The following EYA3 variants were observed in gnomAD, a reference collection of about 807,000 sequenced individuals.
The protein encoded by EYA3 is protein phosphatase EYA3.
A neutral mutation model predicts 80.0 loss-of-function variants in EYA3; 39 were observed. The observed-to-expected ratio is 0.49, with a 90% CI of 0.38 to 0.64. EYA3 has a LOEUF of 0.64. EYA3 is among the 30% of genes least tolerant of loss of function. The pLI, the probability that EYA3 is intolerant of heterozygous loss-of-function variation, is 0.00. For synonymous variants in EYA3, 206 were observed against 232.8 expected (o/e 0.88, Z 1.05); for missense variants, 523 against 676.1 (o/e 0.77, Z 2.51).
At chr1:27,974,952 T>C (rs921665966) in intron 17 of EYA3, among the ~76,000 whole-genome samples, 1 of 152,162 alleles carries the variant, frequency 6.6e-6, no homozygotes, top group East Asian at 1.9e-4. Context: ...CCAGTTATCA[T>C]ACAGGGTCTT....
intron 10 of EYA3, among the ~76,000 whole-genome samples, chr1:28,006,804 T>C (rs1369588238): frequency 1.3e-5 from 2 of 152,152 alleles, no homozygotes; most frequent in Non-Finnish European, 2.9e-5. Flanking sequence ...GAGACAAGGA[T>C]GTCTGTTTTT....
chr1:28,001,621 C>T (rs973772077), intron 11 of EYA3, among the ~76,000 whole-genome samples: 79 of 150,126 alleles, frequency 5.3e-4, no homozygotes, highest in Non-Finnish European at 1.1e-3. Context: ...CACCTGTAGT[C>T]CCAGCCACTC....
At chr1:28,050,714 C>T (rs1283518355) in intron 2 of EYA3, among the ~76,000 whole-genome samples, 1 of 151,974 alleles carries the variant, frequency 6.6e-6, no homozygotes, top group Non-Finnish European at 1.5e-5. Context: ...TCATATGGCC[C>T]ATTGTTTGTC....
At chr1:28,036,809 T>G (rs543743903) in intron 5 of EYA3, among the ~76,000 whole-genome samples, 139 of 152,318 alleles carry the variant, frequency 9.1e-4, no homozygotes, top group African/African-American at 3.2e-3. Context: ...TTGTACCATG[T>G]AAGCATAATA....
chr1:28,027,688 C>A, intron 7 of EYA3, 101 bp downstream of exon 7: 1 of 1,450,408 alleles, frequency 6.9e-7, no homozygotes, highest in South Asian at 1.2e-5. Context: ...GAAGACAGAG[C>A]TCCTGTATTA....
At chr1:27,992,681 A>G (rs1480699635) in intron 14 of EYA3, among the ~76,000 whole-genome samples, 1 of 152,238 alleles carries the variant, frequency 6.6e-6, no homozygotes, top group Non-Finnish European at 1.5e-5. Flanking sequence ...AAGGAGCTGC[A>G]TGAAAGTGCA....
In EYA3 at chr1:27,984,956, T is replaced by A. The variant is rs755793100; in HGVS notation, c.1540+3579A>T. Among the ~76,000 whole-genome samples the A allele has an allele frequency of 2.6e-5, 4 of 152,332 alleles. No homozygotes were observed. In the Middle Eastern group the frequency reaches 0.01, roughly 389 times the overall value. ...TAAAAATATTGTTAGACCAGTTCTATAAAATTTCAATTCTCTCTTAAACTA... is the reference window on the plus strand; with the variant it reads ...TAAAAATATTGTTAGACCAGTTCTAAAAAATTTCAATTCTCTCTTAAACTA... On this transcript the variant is annotated intron_variant, in intron 16 of 17. Transcript: ENST00000373871.
At chr1:28,076,493 T>C (rs536228) in intron 1 of EYA3, among the ~76,000 whole-genome samples, 1 of 151,758 alleles carries the variant, frequency 6.6e-6, no homozygotes, top group East Asian at 1.9e-4. Context: ...GGTGGATTAC[T>C]TGAGGTCAGG....
chr1:28,073,127 A>ATTTTT (rs1180868021), intron 1 of EYA3, among the ~76,000 whole-genome samples: 29 of 14,986 alleles, frequency 1.9e-3, no homozygotes, highest in South Asian at 4.0e-3. Flanking sequence ...ATATATATAT[A>ATTTTT]TTTTTTTTTT....
intron 16 of EYA3, 188 bp downstream of exon 16, chr1:27,988,347 G>A: frequency 1.8e-6 from 1 of 553,632 alleles, no homozygotes; most frequent in East Asian, 3.1e-5. Flanking sequence ...TACTAGCTGT[G>A]AGAACCTGAG....
chr1:28,045,017 C>T (rs1441718454), intron 3 of EYA3, among the ~76,000 whole-genome samples: 1 of 152,158 alleles, frequency 6.6e-6, no homozygotes, highest in Non-Finnish European at 1.5e-5. Context: ...AGCAATCCGT[C>T]CACCTCAGCA....
At chr1:28,042,737 G>T in intron 3 of EYA3, 87 bp from the exon 4 acceptor site, 3 of 1,019,574 alleles carry the variant, frequency 2.9e-6, no homozygotes, top group African/African-American at 1.6e-5. Context: ...TTCCTCCTAG[G>T]CTATATAAGT....
At chr1:28,000,332 A>G (rs943043363) in intron 11 of EYA3, among the ~76,000 whole-genome samples, 1 of 151,206 alleles carries the variant, frequency 6.6e-6, no homozygotes, top group African/African-American at 2.4e-5. Flanking sequence ...TTTTTTTTTG[A>G]GACGGAGTCT....
intron 8 of EYA3, among the ~76,000 whole-genome samples, 193 bp downstream of exon 8, chr1:28,016,961 C>T (rs1642109047): frequency 1.3e-5 from 2 of 152,160 alleles, no homozygotes; most frequent in Admixed American, 1.3e-4. Context: ...AGAGACCCAG[C>T]AGAGGAACAA....
chr1:28,027,275 G>T (rs1642843806), intron 7 of EYA3, among the ~76,000 whole-genome samples: 1 of 152,148 alleles, frequency 6.6e-6, no homozygotes, highest in East Asian at 1.9e-4. Flanking sequence ...GATGTTTAGA[G>T]CTTAAGCTTT....
intron 14 of EYA3, 133 bp downstream of exon 14, chr1:27,993,267 A>T: frequency 1.1e-6 from 1 of 943,532 alleles, no homozygotes; most frequent in Non-Finnish European, 1.6e-6. Context: ...CTATTTTTTT[A>T]AATACAGAGT....
chr1:28,003,367 G>A (rs1355513807), intron 11 of EYA3, among the ~76,000 whole-genome samples: 1 of 152,156 alleles, frequency 6.6e-6, no homozygotes, highest in Non-Finnish European at 1.5e-5. Context: ...TACTTGGGAT[G>A]CTGAGGGAGG....
chr1:28,044,274 T>C (rs1325254212), intron 3 of EYA3, among the ~76,000 whole-genome samples: 1 of 152,226 alleles, frequency 6.6e-6, no homozygotes, highest in African/African-American at 2.4e-5. Flanking sequence ...CATATTCTAT[T>C]CTGCCAATAA....
intron 7 of EYA3, among the ~76,000 whole-genome samples, chr1:28,021,414 T>C (rs779858939): frequency 2.6e-5 from 4 of 152,250 alleles, no homozygotes; most frequent in Middle Eastern, 3.4e-3. Context: ...CAAAATCTGT[T>C]ATGTATTTAC....
Sources: allele counts gnomAD v4.1 joint callset (sites outside exome capture counted in the v4.1 genomes callset), GRCh38; gene constraint gnomAD v4.1.1; transcripts MANE v1.5; gene names NCBI Gene and HGNC (gene_info 2026-07-23, HGNC 2026-07-21).